FAM135B: variants seen among roughly 807,000 people sequenced by gnomAD.
FAM135B encodes the protein protein FAM135B.
Under a neutral mutation model 127.7 loss-of-function variants are expected in FAM135B, and 43 were observed. The observed-to-expected ratio is 0.34, with a 90% confidence interval of 0.26 to 0.43. The LOEUF is 0.43. FAM135B is among the 20% of genes least tolerant of loss of function. The pLI, the probability that FAM135B is intolerant of heterozygous loss-of-function variation, is 1.00. For missense variants in FAM135B, 1,558 were observed against 1,725.6 expected, an observed-to-expected ratio of 0.90 and a Z score of 1.72; for synonymous variants, 670 against 665.1, an observed-to-expected ratio of 1.01 and a Z score of -0.11.
intron 11 of FAM135B, among the ~76,000 whole-genome samples, chr8:138,170,248 G>A (rs1418206244): frequency 7.8e-6 from 1 of 128,128 alleles, no homozygotes. Flanking sequence ...TTGAGACAGA[G>A]TTTCGCTCTT....
At chr8:138,283,590 C>A (rs1824442441) in intron 3 of FAM135B, among the ~76,000 whole-genome samples, 1 of 152,014 alleles carries the variant, frequency 6.6e-6, no homozygotes, top group South Asian at 2.1e-4. Flanking sequence ...CAAGAATGAA[C>A]CCTAATATAA....
rs535061344 is a variant in FAM135B, at chr8:138,237,440, C to T, written c.669+5502G>A. On this transcript the variant is annotated intron_variant, in intron 7 of 19. Coordinates refer to ENST00000395297, the MANE Select transcript of FAM135B (RefSeq NM_015912.4). The stretch of plus-strand genomic sequence containing the variant: ...CCTCCCAAAGTGCTGGGACTACAGG[C>T]GTGAGCCACAGTGCCCAGCCTGAAT... 1.7e-4 allele frequency among the ~76,000 whole-genome samples: 26 copies of T among 152,210 alleles called. No homozygotes were observed. The South Asian group carries it at 2.7e-3, about 16-fold the overall frequency.
rs149293169 is a variant in FAM135B at position 138,183,719 on chromosome 8, A to C, written c.874-5029T>G. Among the ~76,000 whole-genome samples, 14 of 152,344 alleles carry C rather than the reference A, an allele frequency of 9.2e-5. No individual in the cohort carries two copies. The East Asian group carries it at 2.3e-3, about 25-fold the overall frequency. On this transcript the variant is annotated intron_variant, in intron 9 of 19. Transcript: ENST00000395297. ...CATCCACTTACATGACTTTGGACCA[A>C]GGGTGACGTGGATGAAAGAAAATTC...
intron 10 of FAM135B, among the ~76,000 whole-genome samples, chr8:138,177,956 A>C (rs1814634343): frequency 6.6e-6 from 1 of 152,232 alleles, no homozygotes; most frequent in Non-Finnish European, 1.5e-5. Flanking sequence ...ATTAAAAAGC[A>C]CTTTTTCAGC....
intron 7 of FAM135B, among the ~76,000 whole-genome samples, chr8:138,216,944 A>G (rs191889967): frequency 1.3e-5 from 2 of 152,350 alleles, no homozygotes; most frequent in Admixed American, 6.5e-5. Flanking sequence ...GGAGTCTACC[A>G]GCTTCTTCAC....
intron 1 of FAM135B, among the ~76,000 whole-genome samples, chr8:138,454,988 G>A (rs1836697716): frequency 6.6e-6 from 1 of 152,242 alleles, no homozygotes; most frequent in African/African-American, 2.4e-5. Flanking sequence ...TAAGATAACA[G>A]ATGAGCACTG....
At chr8:138,363,790 G>T (rs1830580269) in intron 2 of FAM135B, among the ~76,000 whole-genome samples, 1 of 152,090 alleles carries the variant, frequency 6.6e-6, no homozygotes, top group African/African-American at 2.4e-5. Context: ...TATAAAAACT[G>T]GAGGGGAGGT....
intron 2 of FAM135B, among the ~76,000 whole-genome samples, chr8:138,333,620 C>A (rs1359034921): frequency 6.6e-6 from 1 of 152,192 alleles, no homozygotes; most frequent in East Asian, 1.9e-4. Context: ...TAGACCTGAG[C>A]ACTTTGACAG....
At chr8:138,167,634 G>A (rs1820055898) in intron 12 of FAM135B, among the ~76,000 whole-genome samples, 1 of 152,192 alleles carries the variant, frequency 6.6e-6, no homozygotes, top group African/African-American at 2.4e-5. Context: ...TTTTGCAGGT[G>A]AAAACGCTGA....
chr8:138,465,342 G>T (rs932296491), intron 1 of FAM135B, among the ~76,000 whole-genome samples: 8 of 152,158 alleles, frequency 5.3e-5, no homozygotes, highest in African/African-American at 1.9e-4. Flanking sequence ...GCTGCAAGGA[G>T]TCCATCATAT....
At chr8:138,436,113 A>G (rs2131526852) in intron 1 of FAM135B, among the ~76,000 whole-genome samples, 1 of 152,266 alleles carries the variant, frequency 6.6e-6, no homozygotes, top group Non-Finnish European at 1.5e-5. Context: ...ACTTTTACTC[A>G]CTGTGAAATA....
intron 1 of FAM135B, among the ~76,000 whole-genome samples, chr8:138,396,977 A>G (rs1442801495): frequency 6.6e-6 from 1 of 152,200 alleles, no homozygotes. Context: ...AAAAATGTAT[A>G]AAATCAGGGT....
In FAM135B at chr8:138,242,888, C is replaced by G. The variant is rs1820940240; in HGVS notation, c.669+54G>C. ...AAGCATGAATCTCATAGAACATACA[C>G]TCTGCAAAGTAAAGTTTGAAAGTTT... is the stretch of plus-strand genomic sequence containing the variant. On this transcript the variant is annotated intron_variant, in intron 7 of 19. Transcript: ENST00000395297. This position sits in a 1 kb window ranked among gnomAD's most constrained non-coding sequence, Gnocchi z 9.6. 6 of 1,578,830 alleles carry G rather than the reference C, an allele frequency of 3.8e-6. No individual in the cohort carries two copies. In the East Asian group the frequency reaches 1.1e-4, roughly 30 times the overall value.
In FAM135B at chr8:138,304,443, C is replaced by A. The variant is rs1043270954; in HGVS notation, c.157+6398G>T. Among the ~76,000 whole-genome samples, 3 of 152,200 alleles carry A rather than the reference C, an allele frequency of 2.0e-5. No individual in the cohort carries two copies. In the East Asian group the frequency reaches 5.8e-4, roughly 29 times the overall value. On this transcript the variant is annotated intron_variant, in intron 3 of 19. Transcript: ENST00000395297. ...TGTGGAAGGGGCTACGTGCTGCATG[C>A]CTATAGTTTGTGCGAAGGACGTTCA...
intron 12 of FAM135B, among the ~76,000 whole-genome samples, chr8:138,159,277 T>TAAAAAAAAAAAAA (rs1819109170): frequency 5.6e-5 from 1 of 17,710 alleles, no homozygotes. Context: ...AGACTCCGTC[T>TAAAAAAAAAAAAA]CAAAAAAAAA....
At chr8:138,375,185 G>A (rs1831387710) in intron 1 of FAM135B, among the ~76,000 whole-genome samples, 1 of 152,130 alleles carries the variant, frequency 6.6e-6, no homozygotes, top group South Asian at 2.1e-4. Context: ...CTAGCAGAAT[G>A]CATCTATGCC....
intron 1 of FAM135B, among the ~76,000 whole-genome samples, chr8:138,375,772 T>A (rs1831431362): frequency 6.6e-6 from 1 of 152,164 alleles, no homozygotes; most frequent in Admixed American, 6.5e-5. Context: ...TTCAAAGACA[T>A]TCAAAACTAG....
At chr8:138,306,963 G>C (rs548256125) in intron 3 of FAM135B, among the ~76,000 whole-genome samples, 8 of 152,164 alleles carry the variant, frequency 5.3e-5, no homozygotes, top group Non-Finnish European at 1.5e-5. Flanking sequence ...GTCCTGAGCT[G>C]GTTGTCCCAG....
At chr8:138,155,260 CCA>C (rs1379748641) in intron 12 of FAM135B, among the ~76,000 whole-genome samples, 2 of 152,194 alleles carry the variant, frequency 1.3e-5, no homozygotes, top group African/African-American at 2.4e-5. Context: ...GATTTTGTCA[CCA>C]CCAGGCCTGC....
Sources: gnomAD v4.1 joint callset for allele counts (sites outside exome capture counted in the v4.1 genomes callset) on GRCh38, gnomAD v4.1.1 for gene constraint, Gnocchi (gnomAD v3.1) non-coding constraint, MANE v1.5 for transcripts, NCBI Gene and HGNC (gene_info 2026-07-23, HGNC 2026-07-21) for gene names.